KDM7A: variants seen among roughly 807,000 people sequenced by gnomAD.
KDM7A encodes lysine demethylase 7A, also known as lysine-specific demethylase 7A.
Under a neutral mutation model 114.8 loss-of-function variants are expected in KDM7A, and 28 were observed. The observed-to-expected ratio is 0.24, with a 90% CI of 0.18 to 0.33. The LOEUF (loss-of-function observed/expected upper bound fraction) is 0.33, where lower values mean the gene tolerates loss of function less well. Among genes scored for constraint, KDM7A ranks in the 10% least tolerant of loss-of-function variants. KDM7A has a pLI of 1.00. For missense variants in KDM7A, 942 were observed against 1,142.5 expected (o/e 0.82, Z 2.53); for synonymous variants, 423 against 397.8 (o/e 1.06, Z -0.75).
intron 7 of KDM7A, among the ~76,000 whole-genome samples, chr7:140,122,870 T>C (rs1166449205): frequency 6.6e-6 from 1 of 152,184 alleles, no homozygotes; most frequent in African/African-American, 2.4e-5. Flanking sequence ...GTTAAGACTA[T>C]CAAAATTAAA....
chr7:140,113,484 A>T lies in KDM7A; in HGVS notation c.1338+7T>A. 2.0e-6 allele frequency: 3 copies of T among 1,510,688 alleles called. No homozygotes were observed. The highest frequency in any genetic ancestry group is 1.8e-6 in the Non-Finnish European group (2 of 1,093,742). 93.6% of individuals were successfully genotyped at this position (1,510,688 alleles called of 1,614,324 possible). On this transcript the variant is annotated splice_region_variant and intron_variant, in intron 10 of 19. Coordinates refer to ENST00000397560, the MANE Select transcript of KDM7A (RefSeq NM_030647.2). ...AACACAGTGATTTCACTGTTGAAAC[A>T]ACTTACTTCTTTTTTCATCCATAAT...
intron 1 of KDM7A, among the ~76,000 whole-genome samples, chr7:140,165,773 G>C (rs1053688102): frequency 1.3e-5 from 2 of 152,200 alleles, no homozygotes; most frequent in Admixed American, 1.3e-4. Flanking sequence ...AGTGAGGCTG[G>C]TGTGATGCTG....
chr7:140,122,339 G>A (rs1163058329), intron 7 of KDM7A, among the ~76,000 whole-genome samples: 1 of 151,878 alleles, frequency 6.6e-6, no homozygotes, highest in East Asian at 1.9e-4. Context: ...ATTATTCTAT[G>A]AATGTCAATT....
At chr7:140,165,293 T>C (rs999866124) in intron 1 of KDM7A, among the ~76,000 whole-genome samples, 7 of 152,246 alleles carry the variant, frequency 4.6e-5, no homozygotes, top group African/African-American at 1.7e-4. Context: ...AGTGGTGTTT[T>C]TTAAAAATTT....
chr7:140,160,467 A>G (rs1162926856), intron 1 of KDM7A, among the ~76,000 whole-genome samples: 2 of 152,242 alleles, frequency 1.3e-5, no homozygotes, highest in African/African-American at 2.4e-5. Context: ...GCTGCAAAAC[A>G]AAACACTCTG....
Position 140,176,853 on chromosome 7 carries a change from C to T in KDM7A, c.85G>A (p.Ala29Thr), listed in dbSNP as rs774484444. Residue 29 changes from alanine (A) to threonine (T), a missense_variant, in exon 1 of 20, where the codon GCC (alanine) becomes ACC (threonine). Physicochemically the swap from Ala to Thr is moderately conservative, Grantham distance 58. Transcript: ENST00000397560. This position sits in a 1 kb window ranked among gnomAD's most constrained non-coding sequence, Gnocchi z 4.4. The part of the protein sequence containing the change: ...AAVSVAAPGR[A>T]SAPPPPPPVY... Reference sequence around the variant, plus strand: ...GGCGGGGGCGGCGGAGGCGCCGAGGCCCGGCCGGGAGCCGCCACCGACACG... The same window carrying T: ...GGCGGGGGCGGCGGAGGCGCCGAGGTCCGGCCGGGAGCCGCCACCGACACG... 9 of 1,301,192 alleles carry T rather than the reference C, an allele frequency of 6.9e-6. No homozygotes were observed. The highest frequency in any genetic ancestry group is 4.3e-4 in the Middle Eastern group (2 of 4,622). The allele number at this position is 1,301,192 out of a possible 1,614,324, so 80.6% of individuals were successfully genotyped here.
At chr7:140,165,278 G>A (rs1794561510) in intron 1 of KDM7A, among the ~76,000 whole-genome samples, 1 of 152,102 alleles carries the variant, frequency 6.6e-6, no homozygotes, top group Non-Finnish European at 1.5e-5. Context: ...AAAACTACCA[G>A]AGCCAGTGGT....
chr7:140,147,306 G>A (rs1192137117), intron 1 of KDM7A, among the ~76,000 whole-genome samples: 2 of 152,026 alleles, frequency 1.3e-5, no homozygotes, highest in African/African-American at 2.4e-5. Flanking sequence ...TAACTGTGCT[G>A]CAAACTTACT....
In KDM7A at chr7:140,091,045, A is replaced by G; in HGVS notation, c.*49T>C. On this transcript the variant is annotated 3_prime_UTR_variant, in exon 20 of 20. Transcript: ENST00000397560. ...GACAGCGGAAGCTCCAGGCTCCTGC[A>G]CCCCTAGACTGGTCTCCAAAGGGAA... 7.4e-7 allele frequency: 1 copy of G among 1,349,754 alleles called. No individual in the cohort carries two copies. Among genetic ancestry groups the G allele is most frequent in the Non-Finnish European group, 1.1e-6 (1 of 939,192 alleles). 83.6% of individuals were successfully genotyped at this position (1,349,754 alleles called of 1,614,324 possible). A position where few individuals can be genotyped will look rare whatever the true frequency, so the allele number is the denominator to read the frequency against.
rs1817937142 is a variant in KDM7A at position 140,086,899 on chromosome 7, A to G, written c.*4195T>C. 6.6e-6 allele frequency: 1 copy of G among 152,140 alleles called. No individual in the cohort carries two copies. Among genetic ancestry groups the G allele is most frequent in the South Asian group, 2.1e-4 (1 of 4,816 alleles). The allele number at this position is 152,140 out of a possible 1,614,324, so 9.4% of individuals were successfully genotyped here. A position where few individuals can be genotyped will look rare whatever the true frequency, so the allele number is the denominator to read the frequency against. ...TCTAGCTTCTCTTTATGTGGCGAGC[A>G]ATTAACAATATTTAATGAGAAAAAT... On this transcript the variant is annotated 3_prime_UTR_variant, in exon 20 of 20. Transcript: ENST00000397560.
intron 9 of KDM7A, among the ~76,000 whole-genome samples, chr7:140,117,010 A>G (rs1818540812): frequency 1.3e-5 from 2 of 152,344 alleles, no homozygotes; most frequent in Middle Eastern, 6.8e-3. Context: ...AAGGTTACGG[A>G]TAAAAGAACG....
At chr7:140,139,083 T>C in intron 2 of KDM7A, 22 bp downstream of exon 2, 1 of 1,506,886 alleles carries the variant, frequency 6.6e-7, no homozygotes, top group Non-Finnish European at 9.2e-7. Flanking sequence ...TGTCCATTTT[T>C]ATTTAAGCAT....
Position 140,108,275 on chromosome 7 carries a change from T to C in KDM7A, c.1428+2820A>G, listed in dbSNP as rs541301197. Among the ~76,000 whole-genome samples the C allele has an allele frequency of 2.6e-5, 4 of 152,342 alleles. No homozygotes were observed. The East Asian group carries it at 5.8e-4, about 22-fold the overall frequency. On this transcript the variant is annotated intron_variant, in intron 11 of 19. Coordinates refer to ENST00000397560, the MANE Select transcript of KDM7A (RefSeq NM_030647.2). ...TTACTGATCTTCTGAGGCCTACTTC[T>C]GTCAACTTGTCAAAGTCATTCTCCG... is the stretch of plus-strand genomic sequence containing the variant.
intron 1 of KDM7A, among the ~76,000 whole-genome samples, chr7:140,162,327 C>T (rs1794529465): frequency 7.3e-6 from 1 of 137,672 alleles, no homozygotes; most frequent in Admixed American, 7.3e-5. Flanking sequence ...AAGAGTGAAA[C>T]TCAGTCTCCC....
intron 1 of KDM7A, among the ~76,000 whole-genome samples, chr7:140,147,599 C>CT (rs1422481106): frequency 2.0e-5 from 3 of 152,158 alleles, no homozygotes; most frequent in African/African-American, 4.8e-5. Flanking sequence ...AATCAGAGGA[C>CT]TGAGTCATTG....
chr7:140,144,476 A>G (rs190220388), intron 1 of KDM7A, among the ~76,000 whole-genome samples: 113 of 152,258 alleles, frequency 7.4e-4, no homozygotes, highest in Middle Eastern at 3.4e-3. Context: ...AGCACACGGG[A>G]CAAAAGAAAA....
chr7:140,142,833 G>C (rs919258668), intron 1 of KDM7A, among the ~76,000 whole-genome samples: 2 of 152,034 alleles, frequency 1.3e-5, no homozygotes, highest in Non-Finnish European at 2.9e-5. Context: ...ATCATTATTT[G>C]TGAAGTCTAT....
rs1308336495 is a variant in KDM7A, at chr7:140,176,532, A to G, written c.194+212T>C. ...GTTGTGGCGACTCTTCGCCCGGGCCAGGCGAGCCCACCGGCTCCCCTCTGG... is the reference window on the plus strand; with the variant it reads ...GTTGTGGCGACTCTTCGCCCGGGCCGGGCGAGCCCACCGGCTCCCCTCTGG... On this transcript the variant is annotated intron_variant, in intron 1 of 19. Transcript: ENST00000397560. The surrounding 1 kb of genome is among the most constrained non-coding windows in gnomAD (Gnocchi z 4.4). 6.8e-6 allele frequency among the ~76,000 whole-genome samples: 1 copy of G among 146,404 alleles called. No homozygotes were observed. The highest frequency in any genetic ancestry group is 6.8e-5 in the Admixed American group (1 of 14,800).
intron 7 of KDM7A, among the ~76,000 whole-genome samples, chr7:140,122,204 C>G (rs1818627600): frequency 6.6e-6 from 1 of 152,222 alleles, no homozygotes; most frequent in Non-Finnish European, 1.5e-5. Flanking sequence ...TATGCAATTA[C>G]TATTTCATTC....
Sources: gnomAD v4.1 joint callset for allele counts (sites outside exome capture counted in the v4.1 genomes callset) on GRCh38, gnomAD v4.1.1 for gene constraint, Gnocchi (gnomAD v3.1) non-coding constraint, MANE v1.5 for transcripts, NCBI Gene and HGNC (gene_info 2026-07-23, HGNC 2026-07-21) for gene names.